The following ZNF107 variants were observed in gnomAD, a reference collection of about 807,000 sequenced individuals.
ZNF107 encodes the protein C2H2 type zinc-finger protein.
ZNF107 carries 19 observed loss-of-function variants against 12.3 expected under a neutral mutation model. The ratio of observed to expected loss-of-function variants is 1.55; its 90% confidence interval spans 1.08 to 2.27. The LOEUF is 2.27. Ranked by LOEUF, ZNF107 falls within the 30% of genes most tolerant of loss-of-function variation. ZNF107 has a pLI of 0.00. For synonymous variants in ZNF107, 317 were observed against 330.5 expected (o/e 0.96, Z 0.44); for missense variants, 958 against 979.9 (o/e 0.98, Z 0.30).
intron 3 of ZNF107, among the ~76,000 whole-genome samples, chr7:64,703,851 C>T (rs1790553275): frequency 6.6e-6 from 1 of 151,826 alleles, no homozygotes; most frequent in South Asian, 2.1e-4. Context: ...GTATCTTTGT[C>T]CCTTATTTTC....
intron 1 of ZNF107, among the ~76,000 whole-genome samples, chr7:64,670,138 G>GT (rs1367409639): frequency 4.6e-5 from 7 of 152,132 alleles, no homozygotes; most frequent in Non-Finnish European, 8.8e-5. Flanking sequence ...AGTTGTTATC[G>GT]TTTTGAGGCA....
In ZNF107 at chr7:64,691,385, C is replaced by G; in HGVS notation, c.130+11C>G. 6.9e-7 allele frequency: 1 copy of G among 1,438,926 alleles called. No homozygotes were observed. The highest frequency in any genetic ancestry group is 9.1e-7 in the Non-Finnish European group (1 of 1,095,234). 89.1% of individuals were successfully genotyped at this position (1,438,926 alleles called of 1,614,324 possible). ...ACCTGGTCTTTTTGGGTGAGGATAA[C>G]TTCAATACACAATTCCCAAAATACC... On this transcript the variant is annotated intron_variant, in intron 2 of 3. Coordinates refer to ENST00000620827, the MANE Select transcript of ZNF107 (RefSeq NM_001282359.2).
At chr7:64,700,719 T>C (rs1790449573) in intron 3 of ZNF107, among the ~76,000 whole-genome samples, 1 of 151,572 alleles carries the variant, frequency 6.6e-6, no homozygotes, top group Non-Finnish European at 1.5e-5. Context: ...TTTGTATTTT[T>C]AGTAGAGATG....
chr7:64,674,186 C>G (rs1789337137), intron 1 of ZNF107, among the ~76,000 whole-genome samples: 1 of 151,570 alleles, frequency 6.6e-6, no homozygotes, highest in Admixed American at 6.6e-5. Context: ...AATATTAGAT[C>G]TGTACATTTC....
chr7:64,680,114 C>T (rs923412433), intron 1 of ZNF107, among the ~76,000 whole-genome samples: 6 of 152,094 alleles, frequency 3.9e-5, no homozygotes, highest in South Asian at 2.1e-4. Context: ...GCCCCATACC[C>T]GAACTGGCTG....
At chr7:64,678,033 G>A (rs1228106641) in intron 1 of ZNF107, among the ~76,000 whole-genome samples, 2 of 151,974 alleles carry the variant, frequency 1.3e-5, no homozygotes, top group African/African-American at 4.8e-5. Context: ...ATAGATTTTT[G>A]TCTTTGTTGT....
intron 3 of ZNF107, among the ~76,000 whole-genome samples, chr7:64,703,318 T>A (rs1242327565): frequency 6.6e-6 from 1 of 152,234 alleles, no homozygotes; most frequent in Admixed American, 6.5e-5. Flanking sequence ...TATTTTTTTA[T>A]GATTTGTATT....
In ZNF107 at chr7:64,691,248, G is replaced by A; in HGVS notation, c.4G>A (p.Glu2Lys). 2.0e-6 allele frequency: 3 copies of A among 1,496,664 alleles called. No individual in the cohort carries two copies. The highest frequency in any genetic ancestry group is 1.3e-5 in the South Asian group (1 of 75,390). 92.7% of individuals were successfully genotyped at this position (1,496,664 alleles called of 1,614,324 possible). The change falls in exon 2 of 4, where the codon GAA (glutamate) becomes AAA (lysine). Residue 2 changes from glutamate (E) to lysine (K), a missense_variant and splice_region_variant. By Grantham distance (56) the Glu-to-Lys change is moderately conservative. Coordinates refer to ENST00000620827, the MANE Select transcript of ZNF107 (RefSeq NM_001282359.2). ...ATGTGTGTGTGTTTGTGTTTTTCAGGAACCACTGACATTTAAAGATGTCGC... is the reference window on the plus strand; with the variant it reads ...ATGTGTGTGTGTTTGTGTTTTTCAGAAACCACTGACATTTAAAGATGTCGC... Reference protein sequence around the residue: MEPLTFKDVAIE... With the variant: MKPLTFKDVAIE...
chr7:64,679,453 C>T (rs1789563069), intron 1 of ZNF107: 1 of 792,212 alleles, frequency 1.3e-6, no homozygotes, highest in East Asian at 1.3e-4. Context: ...AGACAGGCTT[C>T]CCTAGGTGAC....
intron 3 of ZNF107, among the ~76,000 whole-genome samples, chr7:64,699,946 A>C (rs942910948): frequency 6.8e-4 from 103 of 151,064 alleles, no homozygotes; most frequent in African/African-American, 2.4e-3. Flanking sequence ...GGGTGCCTGT[A>C]GTCCCAGCTA....
chr7:64,672,755 G>A (rs1789282144), intron 1 of ZNF107, among the ~76,000 whole-genome samples: 2 of 152,202 alleles, frequency 1.3e-5, no homozygotes, highest in South Asian at 4.1e-4. Context: ...GAACATGCAT[G>A]TGCATGTGTC....
At chr7:64,697,817 G>A (rs1048430038) in intron 3 of ZNF107, among the ~76,000 whole-genome samples, 5 of 151,150 alleles carry the variant, frequency 3.3e-5, no homozygotes, top group Non-Finnish European at 7.4e-5. Context: ...CAGCCTCTCC[G>A]AGTAGCTGGG....
At position 64,707,035 on chromosome 7, in the gene ZNF107, A is replaced by G. The variant is rs764145725; in HGVS notation, c.938A>G (p.Tyr313Cys). ...QKILHTGENL[Y>C]KCKECGKAFN... The stretch of plus-strand genomic sequence containing the variant: ...ATACTTCACACTGGAGAGAACCTCT[A>G]CAAGTGTAAAGAATGTGGAAAAGCT... The change falls in exon 4 of 4, where the codon TAC (tyrosine) becomes TGC (cysteine). Residue 313 changes from tyrosine (Y) to cysteine (C), a missense_variant. Coordinates refer to ENST00000620827, the MANE Select transcript of ZNF107 (RefSeq NM_001282359.2). 20 of 1,612,870 alleles carry G rather than the reference A, an allele frequency of 1.2e-5. No homozygotes were observed. Among genetic ancestry groups the G allele is most frequent in the East Asian group, 2.2e-5 (1 of 44,870 alleles).
intron 3 of ZNF107, among the ~76,000 whole-genome samples, chr7:64,703,082 A>G (rs1429717608): frequency 6.6e-6 from 1 of 152,036 alleles, no homozygotes; most frequent in Non-Finnish European, 1.5e-5. Context: ...TAAGTTTTGC[A>G]TTCCATGCTT....
chr7:64,686,164 T>C (rs1789900834), intron 1 of ZNF107, among the ~76,000 whole-genome samples: 1 of 152,118 alleles, frequency 6.6e-6, no homozygotes, highest in Non-Finnish European at 1.5e-5. Context: ...AGATTGTTTT[T>C]CCACCAACCA....
intron 1 of ZNF107, among the ~76,000 whole-genome samples, chr7:64,683,239 A>G (rs1292924595): frequency 6.6e-6 from 1 of 152,160 alleles, no homozygotes; most frequent in African/African-American, 2.4e-5. Context: ...TCTGGGTGGA[A>G]AGAGGTTTTC....
At chr7:64,687,614 T>G (rs763751913) in intron 1 of ZNF107, 51 of 973,026 alleles carry the variant, frequency 5.2e-5, no homozygotes, top group Non-Finnish European at 6.1e-5. Flanking sequence ...AAGTGTATTT[T>G]GTCATTGATT....
At chr7:64,696,802 GATTT>G (rs957517899) in intron 3 of ZNF107, among the ~76,000 whole-genome samples, 2 of 151,950 alleles carry the variant, frequency 1.3e-5, no homozygotes, top group East Asian at 1.9e-4. Flanking sequence ...AATGTGACAA[GATTT>G]ATTTATTTAT....
chr7:64,690,921 A>G (rs1455172309), intron 1 of ZNF107, among the ~76,000 whole-genome samples: 1 of 152,072 alleles, frequency 6.6e-6, no homozygotes, highest in Non-Finnish European at 1.5e-5. Context: ...TTGTATTTTT[A>G]GTAGAGACGG....
Sources: allele counts gnomAD v4.1 joint callset (sites outside exome capture counted in the v4.1 genomes callset), GRCh38; gene constraint gnomAD v4.1.1; transcripts MANE v1.5; gene names NCBI Gene and HGNC (gene_info 2026-07-23, HGNC 2026-07-21).